PRUNE2: variants seen among roughly 807,000 people sequenced by gnomAD.
PRUNE2 encodes protein prune homolog 2.
PRUNE2 carries 164 observed loss-of-function variants against 252.0 expected under a neutral mutation model. That is an observed-to-expected ratio of 0.65 (90% CI 0.57 to 0.74). The LOEUF is 0.74. PRUNE2 is among the 30% of genes least tolerant of loss of function. The probability of loss-of-function intolerance (pLI) is 0.00; values close to 1 mark genes in which losing one functional copy is unlikely to be tolerated. For missense variants in PRUNE2, 3,495 were observed against 3,711.0 expected (o/e 0.94, Z 1.51); for synonymous variants, 1,292 against 1,350.2 (o/e 0.96, Z 0.94).
intron 6 of PRUNE2, among the ~76,000 whole-genome samples, chr9:76,822,035 A>G (rs1171132012): frequency 1.3e-5 from 2 of 152,198 alleles, no homozygotes; most frequent in Non-Finnish European, 2.9e-5. Context: ...ACAGAGAAAG[A>G]AAACCCTAAG....
At chr9:76,867,984 G>A (rs1467743177) in intron 1 of PRUNE2, among the ~76,000 whole-genome samples, 1 of 152,124 alleles carries the variant, frequency 6.6e-6, no homozygotes, top group African/African-American at 2.4e-5. Flanking sequence ...ATAAGATGTG[G>A]AGAAATAGCC....
chr9:76,649,282 C>G (rs552135440), intron 11 of PRUNE2, among the ~76,000 whole-genome samples: 28 of 152,272 alleles, frequency 1.8e-4, no homozygotes, highest in Admixed American at 1.1e-3. Flanking sequence ...TACACAGACA[C>G]GTTTATTTTT....
intron 1 of PRUNE2, among the ~76,000 whole-genome samples, chr9:76,858,009 A>G (rs112549707): frequency 1.7e-3 from 254 of 152,290 alleles, no homozygotes; most frequent in Non-Finnish European, 3.1e-3. Context: ...CAGGTGCCCA[A>G]TCTTAATACT....
At chr9:76,718,346 T>G (rs895566886) in intron 6 of PRUNE2, among the ~76,000 whole-genome samples, 1 of 152,210 alleles carries the variant, frequency 6.6e-6, no homozygotes, top group Non-Finnish European at 1.5e-5. Flanking sequence ...CACTCACACA[T>G]GCTCACCTTC....
chr9:76,691,184 C>T (rs1054097365), intron 9 of PRUNE2, among the ~76,000 whole-genome samples: 3 of 152,198 alleles, frequency 2.0e-5, no homozygotes, highest in Non-Finnish European at 4.4e-5. Context: ...GCTGCACTCA[C>T]ATAGCAGCTT....
intron 6 of PRUNE2, among the ~76,000 whole-genome samples, chr9:76,724,215 T>G (rs1404682507): frequency 1.4e-5 from 2 of 146,778 alleles, no homozygotes; most frequent in East Asian, 4.2e-4. Flanking sequence ...TCGCAGCACT[T>G]TGGGAGGCTG....
intron 6 of PRUNE2, chr9:76,819,596 C>A (rs1400917292): frequency 6.6e-6 from 1 of 152,306 alleles, no homozygotes; most frequent in Middle Eastern, 3.4e-3. Context: ...TATGCCAGCT[C>A]TAGCACACTG....
chr9:76,904,653 A>G (rs1485455094), intron 1 of PRUNE2, among the ~76,000 whole-genome samples: 2 of 152,226 alleles, frequency 1.3e-5, no homozygotes, highest in African/African-American at 4.8e-5. Context: ...TAAAACTATA[A>G]AAGGGTCAAT....
At chr9:76,829,942 T>C (rs1419316478) in intron 4 of PRUNE2, among the ~76,000 whole-genome samples, 1 of 152,108 alleles carries the variant, frequency 6.6e-6, no homozygotes, top group Non-Finnish European at 1.5e-5. Context: ...TCTAGAAGAA[T>C]AAACTCATGA....
At chr9:76,622,743 G>A (rs1352897201) in intron 17 of PRUNE2, among the ~76,000 whole-genome samples, 4 of 152,108 alleles carry the variant, frequency 2.6e-5, no homozygotes, top group African/African-American at 9.7e-5. Flanking sequence ...CTTCTTGTTT[G>A]TGACAGTTGG....
chr9:76,882,453 AAAG>A, intron 1 of PRUNE2, among the ~76,000 whole-genome samples: 1 of 152,334 alleles, frequency 6.6e-6, no homozygotes. Context: ...TGAGACTGGT[AAAG>A]AAGTTTAATT....
intron 4 of PRUNE2, among the ~76,000 whole-genome samples, chr9:76,830,665 GAA>G (rs1268823852): frequency 2.3e-5 from 2 of 88,546 alleles, no homozygotes; most frequent in African/African-American, 8.3e-5. Context: ...AACAAAAAAA[GAA>G]AAAAAAAAAA....
chr9:76,709,216 G>C lies in PRUNE2; in HGVS notation c.3058C>G (p.Arg1020Gly). 3 of 1,613,834 alleles carry C rather than the reference G, an allele frequency of 1.9e-6. No homozygotes were observed. The highest frequency in any genetic ancestry group is 1.1e-5 in the South Asian group (1 of 91,076). ...CCAGGACCTGAACTGATTCGATTTCGAGATGACTGTTGCAGTGACTGAGGA... is the reference window on the plus strand; with the variant it reads ...CCAGGACCTGAACTGATTCGATTTCCAGATGACTGTTGCAGTGACTGAGGA... ...IPPQSLQQSS[R>G]NRISSGPGNL... Residue 1020 changes from arginine (R) to glycine (G), a missense_variant, in exon 8 of 19, where the codon CGA becomes GGA. By Grantham distance (125) the Arg-to-Gly change is moderately radical (BLOSUM62 -2). Coordinates refer to ENST00000376718, the MANE Select transcript of PRUNE2 (RefSeq NM_015225.3).
chr9:76,900,491 C>T (rs962371560), intron 1 of PRUNE2, among the ~76,000 whole-genome samples: 30 of 152,104 alleles, frequency 2.0e-4, no homozygotes, highest in African/African-American at 4.6e-4. Context: ...ATTTTGAGTA[C>T]GCTAATTTGA....
At chr9:76,625,046 C>CT (rs1564353169) in intron 16 of PRUNE2, 1 of 1,303,436 alleles carries the variant, frequency 7.7e-7, no homozygotes, top group Admixed American at 2.3e-5. Flanking sequence ...TATAAGATCT[C>CT]TCTTCATCGT....
At chr9:76,807,020 ATGTGTGTGTGTGTG>A (rs1554779764) in intron 6 of PRUNE2, among the ~76,000 whole-genome samples, 7 of 140,402 alleles carry the variant, frequency 5.0e-5, no homozygotes, top group African/African-American at 8.1e-5. Flanking sequence ...ACCTCATACA[ATGTGTGTGTGTGTG>A]TGTGTGTGTG....
At chr9:76,669,237 C>T (rs1189379397) in intron 9 of PRUNE2, among the ~76,000 whole-genome samples, 2 of 152,092 alleles carry the variant, frequency 1.3e-5, no homozygotes, top group East Asian at 3.9e-4. Flanking sequence ...TGTCCCTCCA[C>T]ACAGTGATCA....
At chr9:76,889,537 C>T (rs1314684169) in intron 1 of PRUNE2, among the ~76,000 whole-genome samples, 1 of 152,064 alleles carries the variant, frequency 6.6e-6, no homozygotes, top group Non-Finnish European at 1.5e-5. Flanking sequence ...CCTGGCTGGT[C>T]TCAAACTCCT....
chr9:76,830,672 A>G (rs1344587478), intron 4 of PRUNE2, among the ~76,000 whole-genome samples: 1 of 151,812 alleles, frequency 6.6e-6, no homozygotes, highest in Non-Finnish European at 1.5e-5. Flanking sequence ...AAAGAAAAAA[A>G]AAAAAAGAAA....
Sources: gnomAD v4.1 joint callset for allele counts (sites outside exome capture counted in the v4.1 genomes callset) on GRCh38, gnomAD v4.1.1 for gene constraint, MANE v1.5 for transcripts, NCBI Gene and HGNC (gene_info 2026-07-23, HGNC 2026-07-21) for gene names.